KCNT2: variants seen among roughly 807,000 people sequenced by gnomAD.
KCNT2 encodes potassium channel subfamily T member 2.
A neutral mutation model predicts 153.8 loss-of-function variants in KCNT2; 67 were observed. The observed-to-expected ratio is 0.44, with a 90% CI of 0.36 to 0.53. KCNT2 has a LOEUF of 0.53. Ranked by LOEUF, KCNT2 falls within the 20% of genes least tolerant of loss-of-function variation. The pLI is 0.00. For synonymous variants in KCNT2, 500 were observed against 458.8 expected (o/e 1.09, Z -1.15); for missense variants, 975 against 1,354.8 (o/e 0.72, Z 4.40).
At chr1:196,366,036 T>C (rs1668007805) in intron 14 of KCNT2, among the ~76,000 whole-genome samples, 1 of 152,336 alleles carries the variant, frequency 6.6e-6, no homozygotes, top group South Asian at 2.1e-4. Context: ...ATTCTTATAA[T>C]GGCCTAGGAG....
chr1:196,258,025 C>T, intron 26 of KCNT2, 169 bp downstream of exon 26: 3 of 1,418,708 alleles, frequency 2.1e-6, no homozygotes, highest in Non-Finnish European at 2.7e-6. Flanking sequence ...AGCATTTTAT[C>T]TTATCATCAT....
chr1:196,583,793 C>T (rs1662344255), intron 1 of KCNT2, among the ~76,000 whole-genome samples: 2 of 151,624 alleles, frequency 1.3e-5, no homozygotes, highest in Admixed American at 6.6e-5. Flanking sequence ...AGCCATAGGG[C>T]AGAAGAAAGA....
At chr1:196,349,766 T>C (rs1666473819) in intron 14 of KCNT2, among the ~76,000 whole-genome samples, 1 of 152,092 alleles carries the variant, frequency 6.6e-6, no homozygotes, top group African/African-American at 2.4e-5. Context: ...TGCACGTTAG[T>C]TACATATGTA....
In KCNT2 at chr1:196,413,690, C is replaced by T. The variant is rs1672523558; in HGVS notation, c.1185+9360G>A. Reference sequence around the variant, plus strand: ...AATGAAATTACACTTAATAATTTTCCTAAATAATTTTGGCCATTCACAGAA... The same window carrying T: ...AATGAAATTACACTTAATAATTTTCTTAAATAATTTTGGCCATTCACAGAA... On this transcript the variant is annotated intron_variant, in intron 12 of 27. Transcript: ENST00000294725. Among the ~76,000 whole-genome samples, 5 of 151,538 alleles carry T rather than the reference C, an allele frequency of 3.3e-5. No homozygotes were observed. In the Admixed American group the frequency reaches 3.3e-4, roughly 10 times the overall value.
chr1:196,362,904 G>T (rs942666949), intron 14 of KCNT2, among the ~76,000 whole-genome samples: 1 of 151,950 alleles, frequency 6.6e-6, no homozygotes, highest in African/African-American at 2.4e-5. Flanking sequence ...TGGTTTAGAT[G>T]GTGTCTCCCA....
intron 14 of KCNT2, among the ~76,000 whole-genome samples, chr1:196,372,867 A>G (rs1408309417): frequency 6.6e-6 from 1 of 151,906 alleles, no homozygotes; most frequent in Non-Finnish European, 1.5e-5. Context: ...TCCTAGGCCT[A>G]ACAAATGATG....
At chr1:196,483,136 G>C (rs543588750) in intron 3 of KCNT2, among the ~76,000 whole-genome samples, 29 of 152,172 alleles carry the variant, frequency 1.9e-4, no homozygotes, top group Non-Finnish European at 2.6e-4. Flanking sequence ...GCAGGTGAAT[G>C]GTAGTTTTTC....
At chr1:196,510,435 A>G (rs375493067) in intron 1 of KCNT2, among the ~76,000 whole-genome samples, 2 of 152,086 alleles carry the variant, frequency 1.3e-5, no homozygotes, top group East Asian at 3.9e-4. Flanking sequence ...ACCCTAACTT[A>G]TATTATACAC....
chr1:196,354,709 AT>A (rs977634556), intron 14 of KCNT2, among the ~76,000 whole-genome samples: 1 of 151,696 alleles, frequency 6.6e-6, no homozygotes, highest in African/African-American at 2.4e-5. Flanking sequence ...TTGCAAGGAG[AT>A]TTTAAAGGTC....
chr1:196,411,162 CT>C (rs1426857751), intron 12 of KCNT2, among the ~76,000 whole-genome samples: 1 of 143,592 alleles, frequency 7.0e-6, no homozygotes, highest in Non-Finnish European at 1.5e-5. Flanking sequence ...TCTTTTTTTC[CT>C]TCTGTTGAAG....
At chr1:196,479,756 C>T (rs1678853373) in intron 4 of KCNT2, among the ~76,000 whole-genome samples, 1 of 152,128 alleles carries the variant, frequency 6.6e-6, no homozygotes, top group East Asian at 1.9e-4. Context: ...GACTGTCCAC[C>T]ACAGATAACC....
chr1:196,521,617 C>T (rs1431992180), intron 1 of KCNT2, among the ~76,000 whole-genome samples: 1 of 152,022 alleles, frequency 6.6e-6, no homozygotes, highest in Admixed American at 6.6e-5. Flanking sequence ...ACTACTCAGC[C>T]ATAAAAAAGA....
chr1:196,449,504 T>C (rs1160958202), intron 8 of KCNT2, among the ~76,000 whole-genome samples: 1 of 151,724 alleles, frequency 6.6e-6, no homozygotes, highest in Non-Finnish European at 1.5e-5. Context: ...AATGTAACCC[T>C]GGTATATTAA....
chr1:196,298,397 GAAC>G (rs538346763), intron 22 of KCNT2, among the ~76,000 whole-genome samples: 24 of 152,024 alleles, frequency 1.6e-4, no homozygotes, highest in Non-Finnish European at 1.8e-4. Flanking sequence ...ATAACTCACA[GAAC>G]AACAAAAGCA....
intron 1 of KCNT2, among the ~76,000 whole-genome samples, chr1:196,494,266 G>C (rs1177946668): frequency 6.6e-6 from 1 of 152,120 alleles, no homozygotes; most frequent in Non-Finnish European, 1.5e-5. Flanking sequence ...AATTTGAGAG[G>C]ACAATACGGC....
chr1:196,315,774 G>A, intron 21 of KCNT2, 118 bp downstream of exon 21: 1 of 874,238 alleles, frequency 1.1e-6, no homozygotes, highest in Non-Finnish European at 1.7e-6. Context: ...TGAAAAAAAT[G>A]AATAAATGAA....
intron 13 of KCNT2, among the ~76,000 whole-genome samples, chr1:196,394,663 A>T (rs1670769598): frequency 6.6e-6 from 1 of 151,590 alleles, no homozygotes. Flanking sequence ...TTATATAAAT[A>T]GATGAGATCC....
intron 22 of KCNT2, among the ~76,000 whole-genome samples, chr1:196,304,261 T>G (rs16839768): frequency 0.014 from 2,165 of 152,248 alleles, 52 homozygotes; most frequent in African/African-American, 0.05. Context: ...CTGTCATAAT[T>G]GGTAATTAAA....
intron 1 of KCNT2, among the ~76,000 whole-genome samples, chr1:196,584,198 A>G (rs1276508237): frequency 2.0e-5 from 3 of 151,906 alleles, no homozygotes; most frequent in African/African-American, 7.2e-5. Flanking sequence ...AATAAAAAGA[A>G]TAGAAGCTCC....
Sources: allele counts gnomAD v4.1 joint callset (sites outside exome capture counted in the v4.1 genomes callset), GRCh38; gene constraint gnomAD v4.1.1; transcripts MANE v1.5; gene names NCBI Gene and HGNC (gene_info 2026-07-23, HGNC 2026-07-21).